FNIP1: variants seen among roughly 807,000 people sequenced by gnomAD.
The protein encoded by FNIP1 is folliculin-interacting protein 1.
Under a neutral mutation model 124.5 loss-of-function variants are expected in FNIP1, and 40 were observed. That is an observed-to-expected ratio of 0.32 (90% CI 0.25 to 0.42). The LOEUF is 0.42. Among genes scored for constraint, FNIP1 ranks in the 10% least tolerant of loss-of-function variants. FNIP1 has a pLI of 1.00. For missense variants in FNIP1, 1,176 were observed against 1,403.7 expected (o/e 0.84, Z 2.59); for synonymous variants, 472 against 470.6 (o/e 1.00, Z -0.04).
intron 1 of FNIP1, among the ~76,000 whole-genome samples, chr5:131,792,623 T>G (rs1385169057): frequency 6.6e-6 from 1 of 152,216 alleles, no homozygotes; most frequent in Admixed American, 6.5e-5. Context: ...GCATCTCTAG[T>G]CCAAAATTTT....
intron 16 of FNIP1, among the ~76,000 whole-genome samples, chr5:131,648,905 C>A (rs1231034053): frequency 6.6e-6 from 1 of 152,148 alleles, no homozygotes; most frequent in Non-Finnish European, 1.5e-5. Context: ...TGGAATCATA[C>A]AATATTTGTC....
At chr5:131,675,869 TA>T (rs1423295731) in intron 13 of FNIP1, among the ~76,000 whole-genome samples, 2 of 152,204 alleles carry the variant, frequency 1.3e-5, no homozygotes, top group Non-Finnish European at 2.9e-5. Context: ...CAAATTGCTT[TA>T]TTTTTTTGAG....
intron 1 of FNIP1, among the ~76,000 whole-genome samples, chr5:131,777,646 T>C (rs1221853727): frequency 1.3e-5 from 2 of 152,222 alleles, no homozygotes; most frequent in African/African-American, 4.8e-5. Flanking sequence ...CACTGAATCA[T>C]TATTTTGAAA....
chr5:131,644,667 T>C lies in FNIP1; in HGVS notation c.*18A>G. ...TTCTACCTATTTTCCCACCAATTTC[T>C]AACAATTTTTAGGTATATTAAAGGA... On this transcript the variant is annotated 3_prime_UTR_variant, in exon 18 of 18. Coordinates refer to ENST00000510461, the MANE Select transcript of FNIP1 (RefSeq NM_133372.3). 1 of 1,609,334 alleles carries C rather than the reference T, an allele frequency of 6.2e-7. No homozygotes were observed. Among genetic ancestry groups the C allele is most frequent in the Non-Finnish European group, 8.5e-7 (1 of 1,176,064 alleles).
In FNIP1 at chr5:131,644,398, T is replaced by C. The variant is rs1766808219; in HGVS notation, c.*287A>G. On this transcript the variant is annotated 3_prime_UTR_variant, in exon 18 of 18. Coordinates refer to ENST00000510461, the MANE Select transcript of FNIP1 (RefSeq NM_133372.3). Reference sequence around the variant, plus strand: ...GATCACATGAAACTCTTGATAATATTCATTTTGTAGAAATTTCTACCGTAC... The same window carrying C: ...GATCACATGAAACTCTTGATAATATCCATTTTGTAGAAATTTCTACCGTAC... The C allele has an allele frequency of 3.9e-6, 1 of 259,504 alleles. No homozygotes were observed. Among genetic ancestry groups the C allele is most frequent in the African/African-American group, 2.3e-5 (1 of 43,834 alleles). 16.1% of individuals were successfully genotyped at this position (259,504 alleles called of 1,614,324 possible).
chr5:131,669,671 C>T (rs561192582), intron 15 of FNIP1, among the ~76,000 whole-genome samples: 9 of 151,884 alleles, frequency 5.9e-5, no homozygotes, highest in South Asian at 2.1e-4. Flanking sequence ...AAAACCAAAC[C>T]GTCTCAAAAC....
chr5:131,731,568 C>G, intron 2 of FNIP1, among the ~76,000 whole-genome samples: 1 of 151,628 alleles, frequency 6.6e-6, no homozygotes, highest in East Asian at 1.9e-4. Flanking sequence ...GCACAAGAAT[C>G]TTTTGAACCT....
intron 1 of FNIP1, among the ~76,000 whole-genome samples, chr5:131,778,402 T>G (rs571654363): frequency 7.2e-5 from 11 of 151,836 alleles, no homozygotes; most frequent in South Asian, 2.1e-4. Flanking sequence ...AAAATGCTCA[T>G]CATCACTGGC....
At chr5:131,690,070 A>G (rs1166440587) in intron 11 of FNIP1, among the ~76,000 whole-genome samples, 2 of 152,012 alleles carry the variant, frequency 1.3e-5, no homozygotes, top group African/African-American at 2.4e-5. Flanking sequence ...AATACAAAAA[A>G]AAATTAGCCG....
At chr5:131,688,405 C>A (rs1422978126) in intron 11 of FNIP1, among the ~76,000 whole-genome samples, 2 of 151,630 alleles carry the variant, frequency 1.3e-5, no homozygotes, top group Non-Finnish European at 2.9e-5. Flanking sequence ...AAACTTCATA[C>A]TAAAATCTTA....
intron 6 of FNIP1, among the ~76,000 whole-genome samples, chr5:131,715,415 G>A (rs1769435565): frequency 6.6e-6 from 1 of 152,148 alleles, no homozygotes. Context: ...GAACCCGGGA[G>A]GCAGAGGTTG....
intron 1 of FNIP1, among the ~76,000 whole-genome samples, chr5:131,787,351 AATT>A (rs1468116219): frequency 3.9e-5 from 6 of 152,162 alleles, no homozygotes; most frequent in Non-Finnish European, 8.8e-5. Context: ...AGGACTCAGC[AATT>A]AAGTGTGAGA....
At chr5:131,749,342 C>G (rs1207292797) in intron 1 of FNIP1, among the ~76,000 whole-genome samples, 6 of 151,874 alleles carry the variant, frequency 4.0e-5, no homozygotes, top group Admixed American at 3.9e-4. Flanking sequence ...TCGCAAAATC[C>G]ATTCACAGTA....
intron 1 of FNIP1, among the ~76,000 whole-genome samples, chr5:131,765,532 T>C (rs1308280095): frequency 1.3e-5 from 2 of 152,214 alleles, no homozygotes; most frequent in Non-Finnish European, 2.9e-5. Context: ...AAAAGGCAAA[T>C]GTAAGCATGC....
chr5:131,766,693 A>G (rs1294405186), intron 1 of FNIP1, among the ~76,000 whole-genome samples: 1 of 152,190 alleles, frequency 6.6e-6, no homozygotes, highest in Non-Finnish European at 1.5e-5. Context: ...TCCAAATCCA[A>G]ATACCTCAGA....
intron 15 of FNIP1, among the ~76,000 whole-genome samples, chr5:131,668,997 A>G (rs1309199358): frequency 6.6e-6 from 1 of 152,204 alleles, no homozygotes; most frequent in East Asian, 1.9e-4. Flanking sequence ...AAAAACACAC[A>G]TTACAAAATT....
At chr5:131,700,766 C>T (rs978617022) in intron 10 of FNIP1, among the ~76,000 whole-genome samples, 1 of 151,910 alleles carries the variant, frequency 6.6e-6, no homozygotes, top group Non-Finnish European at 1.5e-5. Context: ...TGAAAACTGG[C>T]CCTAGAAGAT....
chr5:131,751,551 G>C (rs1770872274), intron 1 of FNIP1, among the ~76,000 whole-genome samples: 1 of 150,348 alleles, frequency 6.7e-6, no homozygotes, highest in Non-Finnish European at 1.5e-5. Flanking sequence ...TATTTCAGGA[G>C]TGAATGGATT....
intron 2 of FNIP1, among the ~76,000 whole-genome samples, chr5:131,742,665 G>T (rs1770550012): frequency 6.6e-6 from 1 of 152,166 alleles, no homozygotes. Context: ...TACAAATACA[G>T]CAAAGCTGAA....
Sources: allele counts gnomAD v4.1 joint callset (sites outside exome capture counted in the v4.1 genomes callset), GRCh38; gene constraint gnomAD v4.1.1; transcripts MANE v1.5; gene names NCBI Gene and HGNC (gene_info 2026-07-23, HGNC 2026-07-21).